DIPK1A: variants seen among roughly 807,000 people sequenced by gnomAD.
The protein encoded by DIPK1A is family with sequence similarity 69 member A.
A neutral mutation model predicts 40.8 loss-of-function variants in DIPK1A; 27 were observed. The ratio of observed to expected loss-of-function variants is 0.66; its 90% CI spans 0.49 to 0.91. The LOEUF is 0.91. Among genes scored for constraint, DIPK1A ranks in the 40% least tolerant of loss-of-function variants. DIPK1A has a pLI of 0.00. For synonymous variants in DIPK1A, 166 were observed against 171.3 expected (o/e 0.97, Z 0.24); for missense variants, 412 against 505.7 (o/e 0.81, Z 1.78).
chr1:92,846,841 A>ATATATATG (rs1557449927), intron 4 of DIPK1A, among the ~76,000 whole-genome samples: 1 of 2,064 alleles, frequency 4.8e-4, no homozygotes, highest in African/African-American at 3.6e-3. Flanking sequence ...ATATATATAT[A>ATATATATG]TGTGTGTATA....
chr1:92,905,553 T>A (rs1011405711), intron 1 of DIPK1A, among the ~76,000 whole-genome samples: 4 of 152,172 alleles, frequency 2.6e-5, no homozygotes, highest in Admixed American at 2.0e-4. Flanking sequence ...TTTGCAAATA[T>A]TTTCTCCCAT....
At chr1:92,870,073 TATACACAC>T (rs201211690) in intron 2 of DIPK1A, among the ~76,000 whole-genome samples, 1,569 of 143,704 alleles carry the variant, frequency 0.011, 12 homozygotes, top group African/African-American at 0.026. Flanking sequence ...ATGAATTATA[TATACACAC>T]ACACACACAC....
intron 2 of DIPK1A, among the ~76,000 whole-genome samples, chr1:92,874,109 T>A (rs1046278034): frequency 6.6e-6 from 1 of 152,228 alleles, no homozygotes; most frequent in Non-Finnish European, 1.5e-5. Context: ...CAGGGTTTGA[T>A]AAAATAACCA....
intron 4 of DIPK1A, chr1:92,846,029 A>T (rs1169931657): frequency 6.5e-6 from 1 of 152,832 alleles, no homozygotes; most frequent in African/African-American, 2.4e-5. Context: ...ACCATCTTTT[A>T]AAAAAAGAAA....
intron 2 of DIPK1A, among the ~76,000 whole-genome samples, chr1:92,869,472 TAAG>T (rs1410697172): frequency 6.6e-6 from 1 of 152,136 alleles, no homozygotes; most frequent in East Asian, 1.9e-4. Flanking sequence ...ACTAAATTAT[TAAG>T]AATAGGAAAA....
intron 2 of DIPK1A, among the ~76,000 whole-genome samples, chr1:92,857,316 T>C (rs1317687541): frequency 6.6e-6 from 1 of 151,584 alleles, no homozygotes; most frequent in African/African-American, 2.4e-5. Flanking sequence ...GCGTTTGTCA[T>C]ATTGTTTTTT....
chr1:92,842,673 G>A lies in DIPK1A; in HGVS notation c.*710C>T, dbSNP rs1240273668. 1.0e-6 allele frequency: 1 copy of A among 985,306 alleles called. No individual in the cohort carries two copies. Among genetic ancestry groups the A allele is most frequent in the African/African-American group, 1.7e-5 (1 of 57,232 alleles). 61.0% of individuals were successfully genotyped at this position (985,306 alleles called of 1,614,324 possible). Reference sequence around the variant, plus strand: ...GTGGATCTTGATTGGGCCTTAAGATGTCAGTTTTGAAGGGCTCAGTCAGCT... The same window carrying A: ...GTGGATCTTGATTGGGCCTTAAGATATCAGTTTTGAAGGGCTCAGTCAGCT... On this transcript the variant is annotated 3_prime_UTR_variant, in exon 5 of 5. Transcript: ENST00000370310.
intron 1 of DIPK1A, 108 bp downstream of exon 1, chr1:92,961,268 G>C (rs1196852106): frequency 2.8e-6 from 2 of 712,296 alleles, no homozygotes; most frequent in South Asian, 2.6e-5. Context: ...GGGTTCGGGC[G>C]GGCACAGACC....
downstream of DIPK1A, chr1:92,837,508 G>A: frequency 1.2e-6 from 2 of 1,612,704 alleles, no homozygotes; most frequent in Non-Finnish European, 8.5e-7. Context: ...TAATGCAGAA[G>A]TACATCGGAA....
At chr1:92,845,193 C>T (rs1018682772) in intron 4 of DIPK1A, among the ~76,000 whole-genome samples, 5 of 151,018 alleles carry the variant, frequency 3.3e-5, no homozygotes, top group East Asian at 2.0e-4. Context: ...GTGATCCATC[C>T]GTCTCGGCTT....
intron 2 of DIPK1A, 50 bp from the exon 3 acceptor site, chr1:92,851,005 A>G: frequency 2.6e-6 from 3 of 1,164,398 alleles, no homozygotes; most frequent in Non-Finnish European, 3.7e-6. Flanking sequence ...ATTCACAAGA[A>G]GAAGCATAAA....
intron 2 of DIPK1A, among the ~76,000 whole-genome samples, chr1:92,865,708 T>C (rs747207182): frequency 1.3e-5 from 2 of 152,214 alleles, no homozygotes; most frequent in Non-Finnish European, 2.9e-5. Context: ...TGCAAACTAA[T>C]GTACAGTGTG....
intron 4 of DIPK1A, chr1:92,833,228 A>G (rs1686981985): frequency 1.5e-6 from 1 of 665,366 alleles, no homozygotes; most frequent in Admixed American, 2.6e-5. Context: ...TAGAGGAAAA[A>G]GATTCTTGAC....
chr1:92,883,315 T>C (rs1648461795), intron 1 of DIPK1A, among the ~76,000 whole-genome samples: 1 of 152,220 alleles, frequency 6.6e-6, no homozygotes, highest in African/African-American at 2.4e-5. Context: ...CATTTGCAAT[T>C]GCAGGTAAAA....
intron 2 of DIPK1A, among the ~76,000 whole-genome samples, chr1:92,869,020 C>A (rs550075162): frequency 6.6e-6 from 1 of 151,060 alleles, no homozygotes; most frequent in African/African-American, 2.4e-5. Context: ...ATATCCCTAG[C>A]ACCTAGAAAA....
chr1:92,845,312 T>A (rs1687556139), intron 4 of DIPK1A, among the ~76,000 whole-genome samples: 1 of 73,576 alleles, frequency 1.4e-5, no homozygotes, highest in African/African-American at 4.5e-5. Flanking sequence ...TTTTTTTTTT[T>A]GCATAGGAAG....
chr1:92,863,835 A>G (rs1396052625), intron 2 of DIPK1A, among the ~76,000 whole-genome samples: 3 of 152,076 alleles, frequency 2.0e-5, no homozygotes, highest in African/African-American at 7.2e-5. Context: ...AGGCTCACTT[A>G]AGGTCGGTCA....
intron 1 of DIPK1A, chr1:92,931,455 C>T (rs528389925): frequency 2.5e-4 from 45 of 182,286 alleles, no homozygotes; most frequent in Non-Finnish European, 3.8e-4. Context: ...AGGCCAGGTG[C>T]GGTGGCTCAT....
chr1:92,885,199 T>A (rs1648540612), intron 1 of DIPK1A, among the ~76,000 whole-genome samples: 1 of 152,200 alleles, frequency 6.6e-6, no homozygotes, highest in Non-Finnish European at 1.5e-5. Context: ...CTGAAAGGAC[T>A]GTGGTTGCTC....
Sources: gnomAD v4.1 joint callset for allele counts (sites outside exome capture counted in the v4.1 genomes callset) on GRCh38, gnomAD v4.1.1 for gene constraint, MANE v1.5 for transcripts, NCBI Gene and HGNC (gene_info 2026-07-23, HGNC 2026-07-21) for gene names.